The following CHD6 variants were observed in gnomAD, a reference collection of about 807,000 sequenced individuals.
CHD6 encodes the protein chromodomain helicase DNA binding protein 6, also known as ATP-dependent chromatin remodeler CHD6.
In CHD6, 50 loss-of-function variants were observed where a neutral mutation model predicts 276.9. The ratio of observed to expected loss-of-function variants is 0.18; its 90% confidence interval spans 0.14 to 0.23. The LOEUF (loss-of-function observed/expected upper bound fraction) is 0.23. Ranked by LOEUF, CHD6 falls within the 10% of genes least tolerant of loss-of-function variation. CHD6 has a pLI of 1.00. For synonymous variants in CHD6, 1,173 were observed against 1,229.3 expected (o/e 0.95, Z 0.96); for missense variants, 2,564 against 3,365.8 (o/e 0.76, Z 5.89).
rs532831246 is a variant in CHD6 at position 41,581,294 on chromosome 20, G to A, written c.-23-29934C>T. 2.0e-5 allele frequency among the ~76,000 whole-genome samples: 3 copies of A among 152,254 alleles called. No homozygotes were observed. In the South Asian group the frequency reaches 6.2e-4, roughly 32 times the overall value. On this transcript the variant is annotated intron_variant, in intron 1 of 36. Transcript: ENST00000373233. ...TTGCCAAAGATAACAGATCTAATAAGTAGCTAAGCTAGGATTCAAATCCAG... is the reference window on the plus strand; with the variant it reads ...TTGCCAAAGATAACAGATCTAATAAATAGCTAAGCTAGGATTCAAATCCAG...
chr20:41,520,977 CAG>C (rs144509241), intron 3 of CHD6, among the ~76,000 whole-genome samples: 10,793 of 151,898 alleles, frequency 0.071, 742 homozygotes, highest in East Asian at 0.31. Flanking sequence ...CAAAAAGAAA[CAG>C]AGGAAGGGTA....
chr20:41,608,110 C>G (rs114787535), intron 1 of CHD6, among the ~76,000 whole-genome samples: 45 of 152,270 alleles, frequency 3.0e-4, no homozygotes, highest in African/African-American at 1.1e-3. Flanking sequence ...ACTGAGGGAT[C>G]TGGGGAAAAA....
intron 1 of CHD6, among the ~76,000 whole-genome samples, chr20:41,604,918 G>A (rs1032452871): frequency 2.6e-5 from 4 of 152,150 alleles, no homozygotes; most frequent in Non-Finnish European, 5.9e-5. Context: ...ATCCTAATGG[G>A]GGACAGGGAG....
intron 18 of CHD6, among the ~76,000 whole-genome samples, chr20:41,456,778 AG>A (rs2048389402): frequency 6.6e-6 from 1 of 152,178 alleles, no homozygotes; most frequent in Admixed American, 6.5e-5. Flanking sequence ...ATGCCCCCAA[AG>A]GGGGAAAAAT....
chr20:41,490,799 C>A (rs536838431), intron 11 of CHD6, among the ~76,000 whole-genome samples: 3 of 151,820 alleles, frequency 2.0e-5, no homozygotes, highest in Non-Finnish European at 4.4e-5. Context: ...GGTGACAGAG[C>A]GAGGCTCTGT....
At chr20:41,447,763 T>G in intron 24 of CHD6, 119 bp downstream of exon 24, 2 of 604,364 alleles carry the variant, frequency 3.3e-6, no homozygotes, top group Non-Finnish European at 5.8e-6. Flanking sequence ...ACACCGGTCC[T>G]GGGCAGGGGG....
chr20:41,545,602 C>T lies in CHD6; in HGVS notation c.33+5703G>A, dbSNP rs2045024945. Among the ~76,000 whole-genome samples, 3 of 152,284 alleles carry T rather than the reference C, an allele frequency of 2.0e-5. No individual in the cohort carries two copies. In the South Asian group the frequency reaches 6.2e-4, roughly 32 times the overall value. On this transcript the variant is annotated intron_variant, in intron 2 of 36. Coordinates refer to ENST00000373233, the MANE Select transcript of CHD6 (RefSeq NM_032221.5). ...CAACTTTGCTATTCTTCCTCTTTCA[C>T]TATTCTAAATTATGGATCATGATTT...
At position 41,421,442 on chromosome 20, in the gene CHD6, T is replaced by C. The variant is rs376666151; in HGVS notation, c.5193A>G (p.Arg1731=). The part of the protein sequence containing the change: ...QESPSTNTES[R]KDVITISISK... ...TTATTGAGATGGTAATAACATCTTTTCTAGATTCAGTATTGGTACTTGGGC... is the reference window on the plus strand; with the variant it reads ...TTATTGAGATGGTAATAACATCTTTCCTAGATTCAGTATTGGTACTTGGGC... Residue 1731 remains arginine (R), a synonymous_variant, in exon 31 of 37, where the codon AGA becomes AGG. Transcript: ENST00000373233. 57 of 1,614,192 alleles carry C rather than the reference T, an allele frequency of 3.5e-5. No homozygotes were observed. Among genetic ancestry groups the C allele is most frequent in the Middle Eastern group, 1.6e-4 (1 of 6,062 alleles).
chr20:41,498,803 ATGTATGTATGTGTGTGTGTGTG>A (rs1476101433), intron 6 of CHD6, among the ~76,000 whole-genome samples: 88 of 96,042 alleles, frequency 9.2e-4, no homozygotes, highest in Admixed American at 3.2e-3. Flanking sequence ...GTATGTATGT[ATGTATGTATGTGTGTGTGTGTG>A]TGTGTGTGTG....
chr20:41,412,307 A>C (rs1276169210), intron 35 of CHD6, 44 bp from the exon 36 acceptor site: 1 of 1,608,728 alleles, frequency 6.2e-7, no homozygotes, highest in Non-Finnish European at 8.5e-7. Context: ...ATGCTATCCC[A>C]GATTCTTCTG....
chr20:41,524,052 C>G (rs2044468387), intron 3 of CHD6, among the ~76,000 whole-genome samples: 1 of 152,186 alleles, frequency 6.6e-6, no homozygotes, highest in Non-Finnish European at 1.5e-5. Flanking sequence ...CATGTAGAGT[C>G]TCAGAAGTCC....
intron 27 of CHD6, among the ~76,000 whole-genome samples, chr20:41,434,335 G>A (rs1251332035): frequency 6.6e-6 from 1 of 152,188 alleles, no homozygotes; most frequent in Non-Finnish European, 1.5e-5. Context: ...ACATTATATA[G>A]TGATAACAGG....
intron 3 of CHD6, among the ~76,000 whole-genome samples, chr20:41,521,191 A>G (rs2044384945): frequency 6.6e-6 from 1 of 152,258 alleles, no homozygotes; most frequent in Non-Finnish European, 1.5e-5. Flanking sequence ...TGTATGTTTA[A>G]AACAAGTAGT....
rs370216660 is a variant in CHD6, at chr20:41,536,366, T to C, written c.34-2796A>G. On this transcript the variant is annotated intron_variant, in intron 2 of 36. Coordinates refer to ENST00000373233, the MANE Select transcript of CHD6 (RefSeq NM_032221.5). ...GTTAGTAAAAAACTCGTTTCTGTGATTCAAAATTATCAATCCACAATATTC... is the reference window on the plus strand; with the variant it reads ...GTTAGTAAAAAACTCGTTTCTGTGACTCAAAATTATCAATCCACAATATTC... 1.5e-3 allele frequency among the ~76,000 whole-genome samples: 222 copies of C among 152,318 alleles called. 1 individual carries two copies. In the Middle Eastern group the frequency reaches 0.02, roughly 14 times the overall value.
At chr20:41,554,425 G>C (rs1256509268) in intron 1 of CHD6, among the ~76,000 whole-genome samples, 4 of 150,852 alleles carry the variant, frequency 2.7e-5, no homozygotes, top group African/African-American at 9.8e-5. Flanking sequence ...TCATTCTTGG[G>C]TGTTTCTCGC....
At chr20:41,502,043 C>T (rs2043841612) in intron 5 of CHD6, among the ~76,000 whole-genome samples, 1 of 152,190 alleles carries the variant, frequency 6.6e-6, no homozygotes, top group African/African-American at 2.4e-5. Context: ...CTCTCAGATA[C>T]ACAGATTACA....
intron 1 of CHD6, among the ~76,000 whole-genome samples, chr20:41,560,471 A>T (rs1257781755): frequency 6.6e-6 from 1 of 152,182 alleles, no homozygotes; most frequent in Non-Finnish European, 1.5e-5. Flanking sequence ...CCTAAATCTC[A>T]TAAGCATCTT....
At position 41,558,642 on chromosome 20, in the gene CHD6, A is replaced by C. The variant is rs535559323; in HGVS notation, c.-23-7282T>G. On this transcript the variant is annotated intron_variant, in intron 1 of 36. Transcript: ENST00000373233. The stretch of plus-strand genomic sequence containing the variant: ...AATTACTCCTCTCTCTCCAGTTCAA[A>C]AACTCTGCAACAGTGCCTCATCTCC... Among the ~76,000 whole-genome samples, 9 of 152,260 alleles carry C rather than the reference A, an allele frequency of 5.9e-5. No individual in the cohort carries two copies. The South Asian group carries it at 1.9e-3, about 32-fold the overall frequency.
At chr20:41,469,244 T>C (rs986818326) in intron 17 of CHD6, among the ~76,000 whole-genome samples, 1 of 152,192 alleles carries the variant, frequency 6.6e-6, no homozygotes, top group African/African-American at 2.4e-5. Context: ...TCCCACACTT[T>C]CTGAATTCTG....
Sources: gnomAD v4.1 joint callset for allele counts (sites outside exome capture counted in the v4.1 genomes callset) on GRCh38, gnomAD v4.1.1 for gene constraint, MANE v1.5 for transcripts, NCBI Gene and HGNC (gene_info 2026-07-23, HGNC 2026-07-21) for gene names.